Variants in NMNAT1 observed in about 807,000 individuals in gnomAD.
NMNAT1 encodes nicotinamide/nicotinic acid mononucleotide adenylyltransferase 1.
NMNAT1 carries 11 observed loss-of-function variants against 16.7 expected under a neutral mutation model. That is an observed-to-expected ratio of 0.66 (90% confidence interval 0.41 to 1.09). NMNAT1 has a LOEUF of 1.09. Ranked by LOEUF, NMNAT1 falls within the 50% of genes least tolerant of loss-of-function variation. NMNAT1 has a pLI of 0.00. For synonymous variants in NMNAT1, 110 were observed against 119.8 expected (o/e 0.92, Z 0.53); for missense variants, 280 against 332.3 (o/e 0.84, Z 1.22).
chr1:9,947,110 A>G (rs552694011), intron 1 of NMNAT1, among the ~76,000 whole-genome samples: 1 of 152,248 alleles, frequency 6.6e-6, no homozygotes, highest in African/African-American at 2.4e-5. Flanking sequence ...ACTTGGATAT[A>G]TAATAGATGT....
intron 1 of NMNAT1, among the ~76,000 whole-genome samples, chr1:9,948,989 G>A (rs936073479): frequency 6.6e-6 from 1 of 151,602 alleles, no homozygotes; most frequent in African/African-American, 2.4e-5. Context: ...ACAAAACACG[G>A]CTGGCCATGG....
Position 9,965,998 on chromosome 1 carries a change from A to T in NMNAT1, c.-56-6020A>T, listed in dbSNP as rs111255222. On this transcript the variant is annotated intron_variant, in intron 1 of 4. Coordinates refer to ENST00000377205, the MANE Select transcript of NMNAT1 (RefSeq NM_022787.4). ...CCGAGATCCTTTCTCAAAAAAAAAA[A>T]TTTTATTCAGAAGTATTTGGCTGGG... Among the ~76,000 whole-genome samples the T allele has an allele frequency of 7.8e-3, 1,173 of 150,914 alleles. 18 individuals carry two copies. The highest frequency in any genetic ancestry group is 0.028 in the African/African-American group (1,131 of 40,976).
intron 1 of NMNAT1, among the ~76,000 whole-genome samples, chr1:9,944,516 T>C (rs920896385): frequency 6.6e-6 from 1 of 152,190 alleles, no homozygotes; most frequent in African/African-American, 2.4e-5. Flanking sequence ...CAGTTTTTTT[T>C]TAAGTAACAA....
chr1:9,985,445 A>G lies in NMNAT1; in HGVS notation c.*2744A>G, dbSNP rs894046430. Reference sequence around the variant, plus strand: ...TTTCAAAGAATGAAGTTGTAGCCAAATCTTGAAATTTTTCATTTACCCTAA... The same window carrying G: ...TTTCAAAGAATGAAGTTGTAGCCAAGTCTTGAAATTTTTCATTTACCCTAA... On this transcript the variant is annotated 3_prime_UTR_variant, in exon 5 of 5. Coordinates refer to ENST00000377205, the MANE Select transcript of NMNAT1 (RefSeq NM_022787.4). The G allele has an allele frequency of 6.6e-6, 1 of 152,180 alleles. No individual in the cohort carries two copies. The highest frequency in any genetic ancestry group is 1.5e-5 in the Non-Finnish European group (1 of 68,028). 9.4% of individuals were successfully genotyped at this position (152,180 alleles called of 1,614,324 possible).
At chr1:9,973,707 CAAAAAAAAA>C (rs1053350657) in intron 2 of NMNAT1, among the ~76,000 whole-genome samples, 5 of 21,624 alleles carry the variant, frequency 2.3e-4, no homozygotes, top group South Asian at 4.9e-3. Context: ...GACTCCATCT[CAAAAAAAAA>C]AAAAAAAAAA....
At position 9,982,544 on chromosome 1, in the gene NMNAT1, G is replaced by A; in HGVS notation, c.683G>A (p.Arg228Lys). The change falls in exon 5 of 5, where the codon AGA (arginine) becomes AAA (lysine). Residue 228 changes from arginine (R) to lysine (K), a missense_variant. Coordinates refer to ENST00000377205, the MANE Select transcript of NMNAT1 (RefSeq NM_022787.4). ...GACATCTCATCCACAAAAATCCGGAGAGCCCTCAGAAGGGGCCAGAGCATT... is the reference window on the plus strand; with the variant it reads ...GACATCTCATCCACAAAAATCCGGAAAGCCCTCAGAAGGGGCCAGAGCATT... The part of the protein sequence containing the change: ...ANDISSTKIR[R>K]ALRRGQSIRY... The A allele has an allele frequency of 6.2e-7, 1 of 1,614,144 alleles. No homozygotes were observed. The highest frequency in any genetic ancestry group is 8.5e-7 in the Non-Finnish European group (1 of 1,180,042).
At chr1:9,974,781 C>T (rs559514831) in intron 2 of NMNAT1, among the ~76,000 whole-genome samples, 26 of 152,202 alleles carry the variant, frequency 1.7e-4, no homozygotes, top group Admixed American at 1.6e-3. Flanking sequence ...GCCTTGGTCT[C>T]CCAAAACACT....
intron 1 of NMNAT1, among the ~76,000 whole-genome samples, chr1:9,958,153 A>T (rs766392974): frequency 2.0e-5 from 3 of 152,204 alleles, no homozygotes; most frequent in Non-Finnish European, 4.4e-5. Context: ...AACATGGGGC[A>T]GGCTGCAATT....
intron 1 of NMNAT1, among the ~76,000 whole-genome samples, chr1:9,960,285 TAAAAAA>T (rs750546751): frequency 4.9e-4 from 73 of 149,120 alleles, no homozygotes; most frequent in Non-Finnish European, 2.1e-4. Flanking sequence ...ACCCTATCTC[TAAAAAA>T]AACAAAAACA....
chr1:9,963,600 G>A (rs903384508), intron 1 of NMNAT1, among the ~76,000 whole-genome samples: 2 of 151,740 alleles, frequency 1.3e-5, no homozygotes, highest in South Asian at 4.2e-4. Context: ...TAGTAGAGAC[G>A]GTTTCACCAT....
chr1:9,981,618 G>A, intron 4 of NMNAT1: 1 of 156,958 alleles, frequency 6.4e-6, no homozygotes, highest in Non-Finnish European at 1.4e-5. Flanking sequence ...CAGTCCTCCT[G>A]CCTTGGCCTC....
chr1:9,987,172 T>C (rs1642055087), downstream of NMNAT1, among the ~76,000 whole-genome samples: 1 of 151,334 alleles, frequency 6.6e-6, no homozygotes, highest in Admixed American at 6.6e-5. Context: ...CATTCCAGCC[T>C]GGGCAACAAG....
chr1:9,979,760 C>T (rs565386641), intron 3 of NMNAT1, among the ~76,000 whole-genome samples: 2 of 150,540 alleles, frequency 1.3e-5, no homozygotes, highest in East Asian at 4.0e-4. Context: ...TGAGATCGTG[C>T]CACTGCACTC....
At chr1:9,944,208 C>T (rs1640906363) in intron 1 of NMNAT1, among the ~76,000 whole-genome samples, 2 of 152,008 alleles carry the variant, frequency 1.3e-5, no homozygotes, top group African/African-American at 4.8e-5. Context: ...GAGCCGAGAT[C>T]GCGCCATTGC....
chr1:9,990,558 C>T, the NMNAT1 span, among the ~76,000 whole-genome samples: 183 of 152,312 alleles, frequency 1.2e-3, no homozygotes, highest in African/African-American at 4.3e-3. Flanking sequence ...TAGCCTGATA[C>T]TAATCCAGGT....
chr1:9,956,461 A>G (rs1400987323), intron 1 of NMNAT1, among the ~76,000 whole-genome samples: 2 of 134,248 alleles, frequency 1.5e-5, no homozygotes, highest in African/African-American at 5.7e-5. Context: ...TTGTTCTGTC[A>G]CTGAAGCTGG....
intron 1 of NMNAT1, chr1:9,960,928 G>C (rs879400526): frequency 2.6e-5 from 4 of 152,180 alleles, no homozygotes; most frequent in Admixed American, 6.6e-5. Flanking sequence ...CAATGATATG[G>C]AGGAAGTACT....
chr1:9,968,160 C>G (rs1438477526), intron 1 of NMNAT1, among the ~76,000 whole-genome samples: 1 of 137,386 alleles, frequency 7.3e-6, no homozygotes, highest in Non-Finnish European at 1.5e-5. Flanking sequence ...CAAGCTCCGC[C>G]TCCTGGGTTC....
In NMNAT1 at chr1:9,982,551, C is replaced by A. The variant is rs1421142440; in HGVS notation, c.690C>A (p.Leu230=). 4.3e-6 allele frequency: 7 copies of A among 1,614,050 alleles called. No homozygotes were observed. Among genetic ancestry groups the A allele is most frequent in the Non-Finnish European group, 5.9e-6 (7 of 1,180,052 alleles). ...DISSTKIRRA[L]RRGQSIRYLV... Reference sequence around the variant, plus strand: ...CATCCACAAAAATCCGGAGAGCCCTCAGAAGGGGCCAGAGCATTCGCTACT... The same window carrying A: ...CATCCACAAAAATCCGGAGAGCCCTAAGAAGGGGCCAGAGCATTCGCTACT... The change falls in exon 5 of 5, where the codon CTC becomes CTA. Residue 230 remains leucine (L), a synonymous_variant. Transcript: ENST00000377205.
Sources: allele counts gnomAD v4.1 joint callset (sites outside exome capture counted in the v4.1 genomes callset), GRCh38; gene constraint gnomAD v4.1.1; transcripts MANE v1.5; gene names NCBI Gene and HGNC (gene_info 2026-07-23, HGNC 2026-07-21).